Variants in NUDT13 observed in about 807,000 individuals in gnomAD.
NUDT13 encodes the protein NAD(P)H pyrophosphatase NUDT13, mitochondrial.
NUDT13 carries 40 observed loss-of-function variants against 41.7 expected under a neutral mutation model. That is an observed-to-expected ratio of 0.96 (90% CI 0.75 to 1.25). NUDT13 has a LOEUF of 1.25. Ranked by LOEUF, NUDT13 falls within the 50% of genes most tolerant of loss-of-function variation. The pLI is 0.00. For missense variants in NUDT13, 390 were observed against 416.1 expected (o/e 0.94, Z 0.55); for synonymous variants, 145 against 155.5 (o/e 0.93, Z 0.50).
At chr10:73,124,092 C>G (rs996519580) in intron 4 of NUDT13, 122 bp from the exon 5 acceptor site, 13 of 664,210 alleles carry the variant, frequency 2.0e-5, no homozygotes, top group Non-Finnish European at 2.7e-5. Flanking sequence ...ACACGCCCCC[C>G]ACACCTAGCT....
At chr10:73,119,970 G>A in intron 2 of NUDT13, 48 bp from the exon 3 acceptor site, 1 of 1,586,610 alleles carries the variant, frequency 6.3e-7, no homozygotes, top group Non-Finnish European at 8.7e-7. Flanking sequence ...ATGCTATACA[G>A]GTAACTAAGG....
intron 2 of NUDT13, among the ~76,000 whole-genome samples, chr10:73,118,943 GCC>G (rs1842576583): frequency 6.6e-6 from 1 of 151,946 alleles, no homozygotes; most frequent in Non-Finnish European, 1.5e-5. Flanking sequence ...CTGCACTCCA[GCC>G]TGGGTGACAG....
intron 1 of NUDT13, among the ~76,000 whole-genome samples, chr10:73,114,142 G>T (rs568110247): frequency 6.6e-6 from 1 of 152,178 alleles, no homozygotes; most frequent in South Asian, 2.1e-4. Flanking sequence ...CAGTTTTCTA[G>T]ATCATGAAAG....
intron 2 of NUDT13, among the ~76,000 whole-genome samples, chr10:73,118,593 G>T (rs7916539): frequency 0.16 from 23,943 of 152,102 alleles, 3,135 homozygotes; most frequent in African/African-American, 0.33. Flanking sequence ...TACTGGAAAA[G>T]CCTGGTACTT....
At chr10:73,121,665 C>A (rs879743718) in intron 3 of NUDT13, among the ~76,000 whole-genome samples, 1 of 152,108 alleles carries the variant, frequency 6.6e-6, no homozygotes, top group Non-Finnish European at 1.5e-5. Context: ...CTCAAGAGAT[C>A]CTCCCATCTC....
In NUDT13 at chr10:73,130,991, GC is replaced by G. The variant is rs1842906162; in HGVS notation, c.*89del. 1.7e-6 allele frequency: 2 copies of G among 1,151,494 alleles called. No individual in the cohort carries two copies. Among genetic ancestry groups the G allele is most frequent in the Non-Finnish European group, 2.6e-6 (2 of 780,982 alleles). The allele number at this position is 1,151,494 out of a possible 1,614,324, so 71.3% of individuals were successfully genotyped here. ...ACAAAGGAGAAGTGACAAAAGATAA[GC>G]TGCAGAAGGACCTCAGAAGGGCAGA... On this transcript the variant is annotated 3_prime_UTR_variant, in exon 9 of 9. Transcript: ENST00000357321.
chr10:73,128,672 C>T (rs2133233094), intron 8 of NUDT13, among the ~76,000 whole-genome samples: 1 of 152,250 alleles, frequency 6.6e-6, no homozygotes, highest in Middle Eastern at 3.4e-3. Context: ...CAAATATTTT[C>T]TCCCATTCTG....
rs1842607187 is a variant in NUDT13 at position 73,120,089 on chromosome 10, T to A, written c.155T>A (p.Phe52Tyr). 4 of 1,614,214 alleles carry A rather than the reference T, an allele frequency of 2.5e-6. No homozygotes were observed. The highest frequency in any genetic ancestry group is 3.4e-6 in the Non-Finnish European group (4 of 1,180,016). Residue 52 changes from phenylalanine to tyrosine, a missense_variant, in exon 3 of 9, where the codon TTT becomes TAT. Physicochemically the swap from Phe to Tyr is conservative, Grantham distance 22. Transcript: ENST00000357321. ...CAGCAAACAGGAGCGTTTTACCTCTTTCATAGTCTGGCTCCTCTGCTTCAG... is the reference window on the plus strand; with the variant it reads ...CAGCAAACAGGAGCGTTTTACCTCTATCATAGTCTGGCTCCTCTGCTTCAG... Reference protein sequence around the residue: ...KAQQTGAFYLFHSLAPLLQTS... With the variant: ...KAQQTGAFYLYHSLAPLLQTS...
chr10:73,114,501 T>C (rs1842452407), intron 2 of NUDT13, 53 bp downstream of exon 2: 3 of 853,052 alleles, frequency 3.5e-6, no homozygotes, highest in South Asian at 2.0e-5. Flanking sequence ...CATTAAACTA[T>C]TGTGATATTA....
At chr10:73,117,812 CTA>C (rs1297687846) in intron 2 of NUDT13, among the ~76,000 whole-genome samples, 3 of 152,004 alleles carry the variant, frequency 2.0e-5, no homozygotes, top group African/African-American at 7.2e-5. Flanking sequence ...TAAAGATTGA[CTA>C]TTTTTTACTG....
intron 1 of NUDT13, among the ~76,000 whole-genome samples, chr10:73,111,671 C>T (rs961852769): frequency 1.3e-5 from 2 of 152,202 alleles, no homozygotes; most frequent in Admixed American, 6.5e-5. Flanking sequence ...CTGTGACCAT[C>T]AGCTCATGAG....
At chr10:73,120,250 T>C (rs1309488122) in intron 3 of NUDT13, 93 bp downstream of exon 3, 1 of 1,356,318 alleles carries the variant, frequency 7.4e-7, no homozygotes, top group Non-Finnish European at 1.0e-6. Context: ...CCTTGAACTT[T>C]GGAGTCTAGA....
At chr10:73,124,603 A>G in intron 5 of NUDT13, 1 of 365,734 alleles carries the variant, frequency 2.7e-6, no homozygotes, top group East Asian at 4.7e-5. Flanking sequence ...AATGACCCAC[A>G]TAGCATGACA....
At chr10:73,121,027 C>G (rs911834159) in intron 3 of NUDT13, among the ~76,000 whole-genome samples, 3 of 151,958 alleles carry the variant, frequency 2.0e-5, no homozygotes, top group Non-Finnish European at 2.9e-5. Flanking sequence ...CTTTTAGAAC[C>G]CTTTTAGCAT....
At chr10:73,113,269 AGG>A (rs1459844679) in intron 1 of NUDT13, among the ~76,000 whole-genome samples, 1 of 152,172 alleles carries the variant, frequency 6.6e-6, no homozygotes, top group Non-Finnish European at 1.5e-5. Flanking sequence ...TTTCCTTCCT[AGG>A]GTAAATTCCT....
Position 73,122,225 on chromosome 10 carries a change from G to C in NUDT13, c.274G>C (p.Asp92His). ...KFGQDAQRIE[D>H]SVLIGCSEQQ... ...TGGACAGGATGCACAAAGAATAGAAGATTCTGTGCTGATTGGATGCTCTGA... is the reference window on the plus strand; with the variant it reads ...TGGACAGGATGCACAAAGAATAGAACATTCTGTGCTGATTGGATGCTCTGA... Residue 92 changes from aspartate to histidine, a missense_variant, in exon 4 of 9, where the codon GAT becomes CAT. Physicochemically the swap from Asp to His is moderately conservative, Grantham distance 81. Coordinates refer to ENST00000357321, the MANE Select transcript of NUDT13 (RefSeq NM_015901.6). 6.2e-7 allele frequency: 1 copy of C among 1,613,986 alleles called. No individual in the cohort carries two copies. Among genetic ancestry groups the C allele is most frequent in the Admixed American group, 1.7e-5 (1 of 60,006 alleles).
intron 1 of NUDT13, among the ~76,000 whole-genome samples, chr10:73,112,582 A>C (rs1339238015): frequency 6.6e-6 from 1 of 151,922 alleles, no homozygotes; most frequent in Non-Finnish European, 1.5e-5. Context: ...ACAGGTATAC[A>C]TTGTGAAATG....
At chr10:73,128,678 T>C (rs1021976239) in intron 8 of NUDT13, among the ~76,000 whole-genome samples, 1 of 152,238 alleles carries the variant, frequency 6.6e-6, no homozygotes, top group Admixed American at 6.5e-5. Context: ...TTTTCTCCCA[T>C]TCTGCAGGTT....
In NUDT13 at chr10:73,125,125, C is replaced by G; in HGVS notation, c.473C>G (p.Ala158Gly). The G allele has an allele frequency of 6.2e-7, 1 of 1,608,534 alleles. No homozygotes were observed. Among genetic ancestry groups the G allele is most frequent in the Non-Finnish European group, 8.5e-7 (1 of 1,178,496 alleles). Reference protein sequence around the residue: ...RDASLLSTAQALLRWHDAHQF... With the variant: ...RDASLLSTAQGLLRWHDAHQF... ...CCATCATTGTGTTCCTAGGCTCAAG[C>G]TCTTCTCCGCTGGCATGATGCTCAT... Residue 158 changes from alanine to glycine, a missense_variant, in exon 6 of 9, where the codon GCT (alanine) becomes GGT (glycine). Transcript: ENST00000357321.
Sources: allele counts gnomAD v4.1 joint callset (sites outside exome capture counted in the v4.1 genomes callset), GRCh38; gene constraint gnomAD v4.1.1; transcripts MANE v1.5; gene names NCBI Gene and HGNC (gene_info 2026-07-23, HGNC 2026-07-21).